Variants in KCTD8 observed in about 807,000 individuals in gnomAD.
The protein encoded by KCTD8 is potassium channel tetramerization domain containing 8.
A neutral mutation model predicts 31.5 loss-of-function variants in KCTD8; 27 were observed. That is an observed-to-expected ratio of 0.86 (90% CI 0.63 to 1.18). The LOEUF is 1.18. KCTD8 is among the 50% of genes most tolerant of loss of function. KCTD8 has a pLI of 0.00. For synonymous variants in KCTD8, 290 were observed against 280.0 expected, an observed-to-expected ratio of 1.04 and a Z score of -0.36; for missense variants, 658 against 647.7, an observed-to-expected ratio of 1.02 and a Z score of -0.17.
intron 1 of KCTD8, among the ~76,000 whole-genome samples, chr4:44,186,884 T>A (rs547898267): frequency 1.3e-5 from 2 of 152,368 alleles, no homozygotes; most frequent in East Asian, 3.9e-4. Context: ...TACAAAATAT[T>A]GTCTAAGCAC....
intron 1 of KCTD8, among the ~76,000 whole-genome samples, chr4:44,270,661 T>C (rs1021669894): frequency 6.6e-5 from 10 of 152,082 alleles, no homozygotes; most frequent in African/African-American, 2.4e-4. Context: ...GCAAAAAATA[T>C]AGGTGATGTA....
At chr4:44,185,466 T>A (rs780610974) in intron 1 of KCTD8, among the ~76,000 whole-genome samples, 2 of 152,226 alleles carry the variant, frequency 1.3e-5, no homozygotes, top group African/African-American at 2.4e-5. Context: ...ATAGTTCCTC[T>A]AGCACATACG....
At chr4:44,203,879 A>C (rs1031332870) in intron 1 of KCTD8, among the ~76,000 whole-genome samples, 1 of 151,760 alleles carries the variant, frequency 6.6e-6, no homozygotes, top group Non-Finnish European at 1.5e-5. Flanking sequence ...CTCCACAAAA[A>C]ATAGAAAACA....
At chr4:44,307,823 T>G (rs1006089323) in intron 1 of KCTD8, among the ~76,000 whole-genome samples, 3 of 151,940 alleles carry the variant, frequency 2.0e-5, no homozygotes, top group Admixed American at 1.3e-4. Flanking sequence ...AATGCATGAA[T>G]AGCTAACATG....
At chr4:44,176,589 T>C (rs537554123) in intron 1 of KCTD8, among the ~76,000 whole-genome samples, 1 of 152,110 alleles carries the variant, frequency 6.6e-6, no homozygotes, top group South Asian at 2.1e-4. Flanking sequence ...TCTATCACCA[T>C]TTTTTTTCTA....
chr4:44,270,123 A>G (rs1170004255), intron 1 of KCTD8, among the ~76,000 whole-genome samples: 2 of 152,140 alleles, frequency 1.3e-5, no homozygotes, highest in African/African-American at 4.8e-5. Flanking sequence ...TCACAATAGC[A>G]AAGTCTTGGA....
At chr4:44,231,393 G>A (rs1715114002) in intron 1 of KCTD8, among the ~76,000 whole-genome samples, 1 of 152,192 alleles carries the variant, frequency 6.6e-6, no homozygotes, top group Non-Finnish European at 1.5e-5. Context: ...TCAACTCCAG[G>A]AAGGGATTTA....
intron 1 of KCTD8, among the ~76,000 whole-genome samples, chr4:44,203,187 T>A (rs1714200249): frequency 6.6e-6 from 1 of 152,066 alleles, no homozygotes; most frequent in African/African-American, 2.4e-5. Flanking sequence ...ATCATTGTAG[T>A]CTTAAATATA....
At chr4:44,358,567 C>CTT (rs113573085) in intron 1 of KCTD8, among the ~76,000 whole-genome samples, 61 of 147,608 alleles carry the variant, frequency 4.1e-4, no homozygotes, top group Non-Finnish European at 6.1e-4. Context: ...TGTTTCCTGA[C>CTT]TTTTTTTTTT....
At chr4:44,295,084 G>A (rs890654514) in intron 1 of KCTD8, among the ~76,000 whole-genome samples, 110 of 152,118 alleles carry the variant, frequency 7.2e-4, no homozygotes, top group Non-Finnish European at 6.9e-4. Flanking sequence ...CTTGAGCCCA[G>A]GAGTTTGAGA....
chr4:44,379,717 T>C (rs1394236869), intron 1 of KCTD8, among the ~76,000 whole-genome samples: 2 of 152,120 alleles, frequency 1.3e-5, no homozygotes, highest in East Asian at 3.9e-4. Flanking sequence ...TGAAACACCA[T>C]ATTAAACTAG....
chr4:44,434,602 C>T lies in KCTD8; in HGVS notation c.961+12961G>A, dbSNP rs115915635. Among the ~76,000 whole-genome samples the T allele has an allele frequency of 1.9e-3, 295 of 152,028 alleles. 2 individuals carry two copies. The highest frequency in any genetic ancestry group is 6.8e-3 in the African/African-American group (284 of 41,520). On this transcript the variant is annotated intron_variant, in intron 1 of 1. Transcript: ENST00000360029. ...TAAATATTTGCTAAGTGACAACTTG[C>T]TGCCAGACATAGTGTGAGGCTTTAA...
intron 1 of KCTD8, among the ~76,000 whole-genome samples, chr4:44,247,217 T>G (rs1715691884): frequency 6.6e-6 from 1 of 151,968 alleles, no homozygotes; most frequent in Admixed American, 6.6e-5. Context: ...TGCTTTTTAT[T>G]TCTGTATTCC....
chr4:44,367,187 G>A (rs1443630587), intron 1 of KCTD8, among the ~76,000 whole-genome samples: 2 of 151,908 alleles, frequency 1.3e-5, no homozygotes, highest in Admixed American at 1.3e-4. Flanking sequence ...CTTACCTCAG[G>A]CATAGTGTCC....
rs1262383444 is a variant in KCTD8 at position 44,448,280 on chromosome 4, C to G, written c.244G>C (p.Gly82Arg). Reference sequence around the variant, plus strand: ...GGCAGCTCGCCCCGGCGCCGGGCGCCGCCACGGGGACTAGAGGGCGAGAAC... The same window carrying G: ...GGCAGCTCGCCCCGGCGCCGGGCGCGGCCACGGGGACTAGAGGGCGAGAAC... ...SMFSPSSPRG[G>R]ARRRGELPRD... Residue 82 changes from glycine (G) to arginine (R), a missense_variant, in exon 1 of 2, where the codon GGC becomes CGC. Physicochemically the swap from Gly to Arg is moderately radical, Grantham distance 125. Transcript: ENST00000360029. The surrounding 1 kb of genome is among the most constrained non-coding windows in gnomAD (Gnocchi z 4.1). 1.9e-6 allele frequency: 3 copies of G among 1,608,452 alleles called. No homozygotes were observed. In the Admixed American group the frequency reaches 5.1e-5, roughly 27 times the overall value.
intron 1 of KCTD8, among the ~76,000 whole-genome samples, chr4:44,440,599 C>T (rs1721789199): frequency 6.6e-6 from 1 of 152,204 alleles, no homozygotes; most frequent in South Asian, 2.1e-4. Flanking sequence ...ACCTCAAATT[C>T]AGTAACAACC....
intron 1 of KCTD8, among the ~76,000 whole-genome samples, chr4:44,348,500 T>C (rs965672389): frequency 6.6e-6 from 1 of 152,228 alleles, no homozygotes; most frequent in Non-Finnish European, 1.5e-5. Context: ...TGTATGTACC[T>C]TCAGTTTCTG....
At chr4:44,414,560 T>C (rs1721029951) in intron 1 of KCTD8, among the ~76,000 whole-genome samples, 1 of 152,182 alleles carries the variant, frequency 6.6e-6, no homozygotes, top group Non-Finnish European at 1.5e-5. Context: ...GGGTGGCCCC[T>C]GAGGGCTGAG....
intron 1 of KCTD8, among the ~76,000 whole-genome samples, chr4:44,202,485 G>GATGTAT (rs1714179579): frequency 6.6e-6 from 1 of 152,158 alleles, no homozygotes; most frequent in Non-Finnish European, 1.5e-5. Flanking sequence ...CAGCACCATG[G>GATGTAT]ATGCAGCTGG....
Sources: allele counts gnomAD v4.1 joint callset (sites outside exome capture counted in the v4.1 genomes callset), GRCh38; gene constraint gnomAD v4.1.1; non-coding constraint Gnocchi (gnomAD v3.1); transcripts MANE v1.5; gene names NCBI Gene and HGNC (gene_info 2026-07-23, HGNC 2026-07-21).